Variants in FIG4 observed in about 807,000 individuals in gnomAD.
FIG4 encodes polyphosphoinositide phosphatase.
In FIG4, 112 loss-of-function variants were observed where a neutral mutation model predicts 118.6. That is an observed-to-expected ratio of 0.94 (90% CI 0.81 to 1.11). The LOEUF (loss-of-function observed/expected upper bound fraction) is 1.11, where lower values mean the gene tolerates loss of function less well. FIG4 is among the 50% of genes least tolerant of loss of function. The pLI is 0.00. For synonymous variants in FIG4, 369 were observed against 381.2 expected (o/e 0.97, Z 0.37); for missense variants, 969 against 1,111.7 (o/e 0.87, Z 1.83).
At chr6:109,738,077 A>C (rs1776212367) in intron 6 of FIG4, among the ~76,000 whole-genome samples, 1 of 152,172 alleles carries the variant, frequency 6.6e-6, no homozygotes, top group Non-Finnish European at 1.5e-5. Flanking sequence ...AACTCTCACA[A>C]GTCAGAAAAG....
rs1330720954 is a variant in FIG4 at position 109,782,922 on chromosome 6, C to T, written c.1890-2048C>T. 2.0e-5 allele frequency among the ~76,000 whole-genome samples: 3 copies of T among 152,200 alleles called. No individual in the cohort carries two copies. The East Asian group carries it at 5.8e-4, about 29-fold the overall frequency. On this transcript the variant is annotated intron_variant, in intron 16 of 22. Coordinates refer to ENST00000230124, the MANE Select transcript of FIG4 (RefSeq NM_014845.6). ...ATGTTGCTGGGATCAACATCACTTA[C>T]ATCACTTGTTGATGTCTGGTTTTTG...
chr6:109,810,378 C>T (rs1778686532), intron 22 of FIG4, among the ~76,000 whole-genome samples: 3 of 152,230 alleles, frequency 2.0e-5, no homozygotes, highest in African/African-American at 7.2e-5. Flanking sequence ...TGATCCCATT[C>T]CTTCCGCTGC....
chr6:109,707,279 G>GTA lies in FIG4; in HGVS notation c.67-7787_67-7786dup, dbSNP rs1241698068. Among the ~76,000 whole-genome samples, 129 of 145,406 alleles carry GTA rather than the reference G, an allele frequency of 8.9e-4. 1 individual carries two copies. Among genetic ancestry groups the GTA allele is most frequent in the African/African-American group, 6.7e-4 (26 of 39,038 alleles). ...TTTATAAACTGATGTGTGTGTGTGT[G>GTA]TATATATATATATGTGTGTGTGTGT... On this transcript the variant is annotated intron_variant, in intron 1 of 22. Coordinates refer to ENST00000230124, the MANE Select transcript of FIG4 (RefSeq NM_014845.6).
In FIG4 at chr6:109,743,769, GA is replaced by G; in HGVS notation, c.1136del (p.Lys379ArgfsTer12). The part of the protein sequence containing the change: ...GSPIIILNLV[K>X]EREKRKHERI... ...CTCCCATCATCATCTTGAATTTAGT[GA>G]AGGTATGATGTGCTCATCTGTTTGG... On this transcript the variant is annotated frameshift_variant and splice_region_variant, in exon 10 of 23. Coordinates refer to ENST00000230124, the MANE Select transcript of FIG4 (RefSeq NM_014845.6). LOFTEE classifies it high-confidence loss of function. The G allele has an allele frequency of 6.2e-7, 1 of 1,607,772 alleles. No homozygotes were observed. Among genetic ancestry groups the G allele is most frequent in the Non-Finnish European group, 8.5e-7 (1 of 1,174,744 alleles).
chr6:109,740,324 A>G (rs1342136024), intron 7 of FIG4, among the ~76,000 whole-genome samples: 2 of 152,190 alleles, frequency 1.3e-5, no homozygotes, highest in Admixed American at 1.3e-4. Context: ...AGTTTAAACA[A>G]TGAATCTAGT....
intron 1 of FIG4, among the ~76,000 whole-genome samples, chr6:109,693,689 A>G (rs1583617869): frequency 6.6e-6 from 1 of 152,134 alleles, no homozygotes; most frequent in Non-Finnish European, 1.5e-5. Context: ...CGACTCAACT[A>G]TGATTGGTTA....
chr6:109,787,538 T>A (rs977323558), intron 18 of FIG4, among the ~76,000 whole-genome samples: 46 of 152,212 alleles, frequency 3.0e-4, no homozygotes, highest in African/African-American at 1.1e-3. Flanking sequence ...TATGTGTTCA[T>A]ATACATATAA....
chr6:109,721,323 G>A (rs990067323), intron 3 of FIG4, among the ~76,000 whole-genome samples: 5 of 152,046 alleles, frequency 3.3e-5, no homozygotes, highest in Admixed American at 6.5e-5. Context: ...TACCTTGCGG[G>A]GGGTTTTGTC....
intron 1 of FIG4, among the ~76,000 whole-genome samples, chr6:109,707,402 C>T (rs1229675425): frequency 2.0e-5 from 3 of 146,934 alleles, no homozygotes; most frequent in Non-Finnish European, 4.5e-5. Flanking sequence ...TGTATACATA[C>T]ATATACATAT....
chr6:109,704,604 A>G (rs1363815996), intron 1 of FIG4, among the ~76,000 whole-genome samples: 5 of 148,716 alleles, frequency 3.4e-5, no homozygotes, highest in African/African-American at 1.2e-4. Flanking sequence ...GGAAGCCAGG[A>G]CGCAGAGGTT....
chr6:109,773,469 C>A (rs533696473), intron 15 of FIG4, among the ~76,000 whole-genome samples: 1 of 152,120 alleles, frequency 6.6e-6, no homozygotes, highest in Admixed American at 6.5e-5. Flanking sequence ...ACTTCAATAC[C>A]CATTGATCAA....
At chr6:109,747,147 G>A (rs116211591) in intron 10 of FIG4, among the ~76,000 whole-genome samples, 3,180 of 152,162 alleles carry the variant, frequency 0.021, 99 homozygotes, top group African/African-American at 0.074. Flanking sequence ...TCCTCTAAAC[G>A]GAGGTAACAG....
At chr6:109,760,124 G>C in intron 10 of FIG4, 126 bp from the exon 11 acceptor site, 1 of 725,676 alleles carries the variant, frequency 1.4e-6, no homozygotes, top group Non-Finnish European at 2.4e-6. Context: ...TTGTAGCTAG[G>C]TTTCATTTTA....
intron 18 of FIG4, among the ~76,000 whole-genome samples, chr6:109,788,957 G>A (rs778796697): frequency 1.3e-5 from 2 of 152,168 alleles, no homozygotes; most frequent in Non-Finnish European, 2.9e-5. Context: ...GCTTATCTCA[G>A]TAAGTGGTAA....
At chr6:109,747,411 G>A (rs12528392) in intron 10 of FIG4, among the ~76,000 whole-genome samples, 49,414 of 151,950 alleles carry the variant, frequency 0.33, 8,576 homozygotes, top group South Asian at 0.45. Flanking sequence ...AGGAAGTGCT[G>A]TGTCAGGAAT....
At chr6:109,758,915 G>A (rs542778449) in intron 10 of FIG4, among the ~76,000 whole-genome samples, 2 of 152,274 alleles carry the variant, frequency 1.3e-5, no homozygotes, top group African/African-American at 4.8e-5. Context: ...ACCATCTCAC[G>A]CCAGTTAGAA....
intron 22 of FIG4, among the ~76,000 whole-genome samples, chr6:109,813,846 G>A (rs1778787143): frequency 6.6e-6 from 1 of 152,184 alleles, no homozygotes; most frequent in Admixed American, 6.5e-5. Context: ...CCAACAACTA[G>A]TGAGAAATTG....
rs1777958409 is a variant in FIG4, at chr6:109,786,399, G to C, written c.2046G>C (p.Glu682Asp). 1 of 1,614,012 alleles carries C rather than the reference G, an allele frequency of 6.2e-7. No individual in the cohort carries two copies. The highest frequency in any genetic ancestry group is 8.5e-7 in the Non-Finnish European group (1 of 1,179,876). Residue 682 changes from glutamate to aspartate, a missense_variant, in exon 18 of 23, where the codon GAG becomes GAC. By Grantham distance (45) the Glu-to-Asp change is conservative (BLOSUM62 2). Coordinates refer to ENST00000230124, the MANE Select transcript of FIG4 (RefSeq NM_014845.6). Reference protein sequence around the residue: ...DIHNEFFRPYELSSFDDTFCL... With the variant: ...DIHNEFFRPYDLSSFDDTFCL... ...ACAATGAGTTCTTTCGGCCATATGA[G>C]TTGAGCAGCTTTGATGATACCTTTT...
chr6:109,691,550 C>G, intron 1 of FIG4, 49 bp downstream of exon 1: 1 of 1,471,020 alleles, frequency 6.8e-7, no homozygotes, highest in Non-Finnish European at 9.3e-7. Context: ...GGATGTCTGC[C>G]GGTGGGTGTG....
Sources: gnomAD v4.1 joint callset for allele counts (sites outside exome capture counted in the v4.1 genomes callset) on GRCh38, gnomAD v4.1.1 for gene constraint, MANE v1.5 for transcripts, NCBI Gene and HGNC (gene_info 2026-07-23, HGNC 2026-07-21) for gene names.